Variants in RAPGEF2 observed in about 807,000 individuals in gnomAD.
RAPGEF2 encodes Rap guanine nucleotide exchange factor 2.
Under a neutral mutation model 186.7 loss-of-function variants are expected in RAPGEF2, and 54 were observed. That is an observed-to-expected ratio of 0.29 (90% CI 0.23 to 0.36). The LOEUF (loss-of-function observed/expected upper bound fraction) is 0.36, where lower values mean the gene tolerates loss of function less well. Ranked by LOEUF, RAPGEF2 falls within the 10% of genes least tolerant of loss-of-function variation. The pLI, the probability that RAPGEF2 is intolerant of heterozygous loss-of-function variation, is 1.00. For missense variants in RAPGEF2, 1,532 were observed against 2,045.0 expected (o/e 0.75, Z 4.84); for synonymous variants, 712 against 705.9 (o/e 1.01, Z -0.14).
intron 4 of RAPGEF2, among the ~76,000 whole-genome samples, chr4:159,212,389 A>G (rs1750618166): frequency 1.3e-5 from 2 of 152,236 alleles, no homozygotes; most frequent in Admixed American, 1.3e-4. Context: ...ATATAAAAGT[A>G]GTAATTACTA....
At chr4:159,351,156 C>T in intron 26 of RAPGEF2, 1 of 1,535,426 alleles carries the variant, frequency 6.5e-7, no homozygotes, top group South Asian at 1.2e-5. Flanking sequence ...ACAAGAATAA[C>T]AATGCACCAC....
intron 1 of RAPGEF2, among the ~76,000 whole-genome samples, chr4:159,144,742 G>A (rs1490836893): frequency 1.3e-5 from 2 of 152,192 alleles, no homozygotes; most frequent in East Asian, 3.9e-4. Context: ...GTTGCAAGAA[G>A]CTGCCTTGTA....
intron 1 of RAPGEF2, among the ~76,000 whole-genome samples, chr4:159,145,638 G>A (rs1018853006): frequency 2.0e-5 from 3 of 152,204 alleles, no homozygotes; most frequent in Non-Finnish European, 4.4e-5. Flanking sequence ...ACCAGGACCA[G>A]TGGCATGTCA....
intron 7 of RAPGEF2, among the ~76,000 whole-genome samples, chr4:159,278,063 T>G (rs932268552): frequency 6.6e-6 from 1 of 152,268 alleles, no homozygotes; most frequent in Non-Finnish European, 1.5e-5. Context: ...TCTTCTAGGG[T>G]TTTTATAGTT....
chr4:159,182,386 CTTTTTTTT>C (rs575743979), intron 1 of RAPGEF2, among the ~76,000 whole-genome samples: 16 of 85,674 alleles, frequency 1.9e-4, no homozygotes, highest in South Asian at 9.3e-4. Flanking sequence ...TTCTTTTCTT[CTTTTTTTT>C]TTTTTTTTTT....
At chr4:159,222,195 A>T (rs1001264567) in intron 4 of RAPGEF2, among the ~76,000 whole-genome samples, 1 of 152,230 alleles carries the variant, frequency 6.6e-6, no homozygotes, top group African/African-American at 2.4e-5. Context: ...AGAGGGTTCA[A>T]TTGCTGGATC....
chr4:159,264,835 G>C (rs1352498958), intron 7 of RAPGEF2, among the ~76,000 whole-genome samples: 2 of 152,060 alleles, frequency 1.3e-5, no homozygotes, highest in East Asian at 3.9e-4. Flanking sequence ...CTGGTATCTA[G>C]AGTAGAGCAT....
chr4:159,127,433 C>T (rs916586413), intron 1 of RAPGEF2, among the ~76,000 whole-genome samples: 1 of 152,148 alleles, frequency 6.6e-6, no homozygotes, highest in East Asian at 1.9e-4. Flanking sequence ...CCCTTTTTAC[C>T]TGTGGTAGTA....
chr4:159,335,299 G>GA (rs1767247160), intron 17 of RAPGEF2, among the ~76,000 whole-genome samples: 1 of 150,728 alleles, frequency 6.6e-6, no homozygotes, highest in South Asian at 2.3e-4. Flanking sequence ...CCAGAGACAA[G>GA]AAGGAGTAAG....
chr4:159,209,628 A>ATT (rs1248407985), intron 3 of RAPGEF2, among the ~76,000 whole-genome samples: 3 of 152,214 alleles, frequency 2.0e-5, no homozygotes, highest in African/African-American at 7.2e-5. Flanking sequence ...AAATTTGTCA[A>ATT]TATTTGTTAA....
intron 23 of RAPGEF2, among the ~76,000 whole-genome samples, chr4:159,344,346 T>A (rs766265831): frequency 7.9e-5 from 12 of 152,088 alleles, no homozygotes; most frequent in Non-Finnish European, 1.8e-4. Flanking sequence ...ATATAATTGG[T>A]GTGTCTCGAA....
At chr4:159,143,678 A>T (rs1742598479) in intron 1 of RAPGEF2, among the ~76,000 whole-genome samples, 1 of 152,114 alleles carries the variant, frequency 6.6e-6, no homozygotes, top group Admixed American at 6.6e-5. Flanking sequence ...CAAATGTTAC[A>T]TGGTTGCTTT....
At chr4:159,297,113 T>A (rs751686061) in intron 7 of RAPGEF2, among the ~76,000 whole-genome samples, 11 of 152,172 alleles carry the variant, frequency 7.2e-5, no homozygotes, top group Non-Finnish European at 1.5e-4. Flanking sequence ...AGATATATAT[T>A]TGGACAGCAA....
At chr4:159,218,544 T>G (rs1028942603) in intron 4 of RAPGEF2, among the ~76,000 whole-genome samples, 2 of 152,160 alleles carry the variant, frequency 1.3e-5, no homozygotes, top group East Asian at 3.9e-4. Flanking sequence ...TCACCTGAGG[T>G]CAGGAGTTCA....
At chr4:159,225,552 G>A (rs2111417358) in intron 4 of RAPGEF2, among the ~76,000 whole-genome samples, 1 of 152,254 alleles carries the variant, frequency 6.6e-6, no homozygotes, top group Admixed American at 6.5e-5. Flanking sequence ...ACTGTATAAG[G>A]AACTCCCACA....
intron 29 of RAPGEF2, among the ~76,000 whole-genome samples, chr4:159,357,612 G>A (rs1383323600): frequency 1.3e-5 from 2 of 152,202 alleles, no homozygotes; most frequent in Admixed American, 1.3e-4. Context: ...GAGCCCGGGA[G>A]GCGGAGGTTG....
intron 3 of RAPGEF2, among the ~76,000 whole-genome samples, chr4:159,198,980 C>G (rs1301808703): frequency 1.3e-5 from 2 of 149,504 alleles, no homozygotes; most frequent in African/African-American, 4.9e-5. Context: ...GGAGGCTGAG[C>G]CACGAGAATT....
intron 8 of RAPGEF2, among the ~76,000 whole-genome samples, chr4:159,308,830 A>T (rs942862045): frequency 3.3e-5 from 5 of 152,074 alleles, no homozygotes; most frequent in African/African-American, 9.7e-5. Context: ...CCTGTCTTAG[A>T]CTTCTGTTTT....
chr4:159,138,218 A>G (rs1040719671), intron 1 of RAPGEF2, among the ~76,000 whole-genome samples: 2 of 152,196 alleles, frequency 1.3e-5, no homozygotes, highest in African/African-American at 2.4e-5. Flanking sequence ...TTTGAAATGG[A>G]TGGAGACACA....
Sources: gnomAD v4.1 joint callset for allele counts (sites outside exome capture counted in the v4.1 genomes callset) on GRCh38, gnomAD v4.1.1 for gene constraint, MANE v1.5 for transcripts, NCBI Gene and HGNC (gene_info 2026-07-23, HGNC 2026-07-21) for gene names.